The following ASIC2 variants were observed in gnomAD, a reference collection of about 807,000 sequenced individuals.
The protein encoded by ASIC2 is acid sensing ion channel subunit 2, also known as acid-sensing ion channel 2.
Under a neutral mutation model 57.3 loss-of-function variants are expected in ASIC2, and 25 were observed. The ratio of observed to expected loss-of-function variants is 0.44; its 90% CI spans 0.32 to 0.61. ASIC2 has a LOEUF of 0.61. ASIC2 is among the 20% of genes least tolerant of loss of function. ASIC2 has a pLI of 0.06. For missense variants in ASIC2, 641 were observed against 738.1 expected (o/e 0.87, Z 1.52); for synonymous variants, 319 against 307.5 (o/e 1.04, Z -0.39).
chr17:33,534,914 T>A (rs1915176273), intron 1 of ASIC2, among the ~76,000 whole-genome samples: 1 of 152,258 alleles, frequency 6.6e-6, no homozygotes, highest in Non-Finnish European at 1.5e-5. Context: ...GGATCACAAA[T>A]AATACTCCTG....
At chr17:33,920,827 T>A (rs1338663982) in intron 1 of ASIC2, among the ~76,000 whole-genome samples, 2 of 152,146 alleles carry the variant, frequency 1.3e-5, no homozygotes, top group Non-Finnish European at 2.9e-5. Flanking sequence ...GTCCAGGGCC[T>A]CCAGGAGCCC....
At chr17:33,224,538 G>A (rs1907805369) in intron 1 of ASIC2, among the ~76,000 whole-genome samples, 1 of 152,194 alleles carries the variant, frequency 6.6e-6, no homozygotes, top group South Asian at 2.1e-4. Context: ...CTAACTAGAA[G>A]GAAGAGCTGG....
intron 1 of ASIC2, among the ~76,000 whole-genome samples, chr17:34,127,669 C>T (rs1567831627): frequency 6.6e-6 from 1 of 152,204 alleles, no homozygotes; most frequent in African/African-American, 2.4e-5. Context: ...GGCTTCAGCT[C>T]CCCTGCTCTT....
chr17:33,702,985 T>G (rs1908749183), intron 1 of ASIC2, among the ~76,000 whole-genome samples: 1 of 152,166 alleles, frequency 6.6e-6, no homozygotes, highest in African/African-American at 2.4e-5. Flanking sequence ...TTACGGATTG[T>G]GCCCAGGGTA....
intron 3 of ASIC2, among the ~76,000 whole-genome samples, chr17:33,036,365 T>A (rs536044348): frequency 6.6e-6 from 1 of 152,216 alleles, no homozygotes; most frequent in East Asian, 1.9e-4. Context: ...CAATGCCCCA[T>A]AGGTCAAGGA....
intron 1 of ASIC2, chr17:34,005,686 G>T (rs896996724): frequency 1.3e-5 from 2 of 152,280 alleles, no homozygotes; most frequent in Non-Finnish European, 2.9e-5. Flanking sequence ...TCTCTACTTA[G>T]TCTTCAACAT....
At position 33,291,956 on chromosome 17, in the gene ASIC2, C is replaced by G; in HGVS notation, c.160G>C (p.Ala54Pro). The G allele has an allele frequency of 6.7e-7, 1 of 1,493,942 alleles. No individual in the cohort carries two copies. The highest frequency in any genetic ancestry group is 8.9e-7 in the Non-Finnish European group (1 of 1,129,856). The allele number at this position is 1,493,942 out of a possible 1,614,324, so 92.5% of individuals were successfully genotyped here. The stretch of plus-strand genomic sequence containing the variant: ...CTCAGCGATGGCCGCCCCCTGCGGG[C>G]GACCCCTGGCCCCTGCAGCGCCCGC... ...GERALQGPGV[A>P]RRGRPSLSRA... Residue 54 changes from alanine (A) to proline (P), a missense_variant, in exon 1 of 10, where the codon GCC becomes CCC. By Grantham distance (27) the Ala-to-Pro change is conservative. Around this residue, in one of 3 missense-constraint regions of ASIC2, gnomAD observed 382 missense variants for 398.0 expected, o/e 0.96. Coordinates refer to ENST00000225823, the MANE Select transcript of ASIC2 (RefSeq NM_183377.2).
At chr17:33,573,515 A>T (rs1019509872) in intron 1 of ASIC2, among the ~76,000 whole-genome samples, 1 of 152,162 alleles carries the variant, frequency 6.6e-6, no homozygotes, top group Admixed American at 6.5e-5. Flanking sequence ...GGGAAAGCAA[A>T]CATCAGCTTG....
chr17:34,108,631 G>A (rs968506427), intron 1 of ASIC2, among the ~76,000 whole-genome samples: 4 of 152,090 alleles, frequency 2.6e-5, no homozygotes, highest in African/African-American at 9.7e-5. Flanking sequence ...TTCTATAAGT[G>A]CCAATTAGGT....
intron 1 of ASIC2, among the ~76,000 whole-genome samples, chr17:33,871,143 G>A (rs1914394189): frequency 6.6e-6 from 1 of 152,138 alleles, no homozygotes; most frequent in South Asian, 2.1e-4. Context: ...CCAGCTATAG[G>A]CTCTCCCGGA....
chr17:33,366,332 T>C (rs1353030446), intron 1 of ASIC2, among the ~76,000 whole-genome samples: 1 of 152,244 alleles, frequency 6.6e-6, no homozygotes, highest in Non-Finnish European at 1.5e-5. Flanking sequence ...ACTGTCTTTC[T>C]CTCCGGTCTC....
intron 1 of ASIC2, among the ~76,000 whole-genome samples, chr17:33,268,939 T>C (rs113949945): frequency 3.0e-4 from 46 of 152,308 alleles, no homozygotes; most frequent in African/African-American, 1.0e-3. Flanking sequence ...TGTGTGACCT[T>C]GGGCAAGTCA....
chr17:34,008,943 C>T (rs1472370680), intron 1 of ASIC2, among the ~76,000 whole-genome samples: 1 of 152,190 alleles, frequency 6.6e-6, no homozygotes, highest in East Asian at 1.9e-4. Context: ...AGACATTTGC[C>T]TGGGGCTTCA....
At position 33,292,428 on chromosome 17, in the gene ASIC2, T is replaced by C. The variant is rs1782478446; in HGVS notation, c.-313A>G. The C allele has an allele frequency of 1.0e-6, 1 of 985,476 alleles. No individual in the cohort carries two copies. The highest frequency in any genetic ancestry group is 1.1e-4 in the East Asian group (1 of 8,770). The allele number at this position is 985,476 out of a possible 1,614,324, so 61.0% of individuals were successfully genotyped here. A position where few individuals can be genotyped will look rare whatever the true frequency, so the allele number is the denominator to read the frequency against. On this transcript the variant is annotated 5_prime_UTR_variant, in exon 1 of 10. Coordinates refer to ENST00000225823, the MANE Select transcript of ASIC2 (RefSeq NM_183377.2). ...GATGCCCGGCGCCCGGCACTACTTC[T>C]GGAGGGGTCCCACTGGGAGCCGCCT... is the stretch of plus-strand genomic sequence containing the variant.
In ASIC2 at chr17:34,109,666, A is replaced by G. The variant is rs570957024; in HGVS notation, c.555+46312T>C. Among the ~76,000 whole-genome samples, 17 of 152,300 alleles carry G rather than the reference A, an allele frequency of 1.1e-4. No homozygotes were observed. The East Asian group carries it at 3.3e-3, about 29-fold the overall frequency. On this transcript the variant is annotated intron_variant, in intron 1 of 9. Transcript: ENST00000359872. ...ACATGTGCTATCTGACAGCTTTTAAACGGAGTCTCACTGTTATATAAACCT... is the reference window on the plus strand; with the variant it reads ...ACATGTGCTATCTGACAGCTTTTAAGCGGAGTCTCACTGTTATATAAACCT...
chr17:33,563,741 C>T (rs115608424), intron 1 of ASIC2, among the ~76,000 whole-genome samples: 152 of 152,278 alleles, frequency 1.0e-3, no homozygotes, highest in African/African-American at 3.5e-3. Context: ...AGTAGAACCC[C>T]ATAGCTTTTA....
At chr17:33,858,244 C>G (rs1371302469) in intron 1 of ASIC2, among the ~76,000 whole-genome samples, 2 of 152,188 alleles carry the variant, frequency 1.3e-5, no homozygotes, top group Non-Finnish European at 2.9e-5. Flanking sequence ...ATTTATGCAG[C>G]CAACCTGTGA....
intron 1 of ASIC2, among the ~76,000 whole-genome samples, chr17:33,489,362 G>A (rs1051948232): frequency 1.3e-5 from 2 of 152,218 alleles, no homozygotes; most frequent in African/African-American, 4.8e-5. Flanking sequence ...AGAAGTGAAG[G>A]GGTATGTCCA....
At chr17:33,924,104 G>A (rs1658297940) in intron 1 of ASIC2, among the ~76,000 whole-genome samples, 1 of 152,198 alleles carries the variant, frequency 6.6e-6, no homozygotes, top group Non-Finnish European at 1.5e-5. Context: ...GGTTTATGGG[G>A]CAGGTCAGAG....
Sources: allele counts gnomAD v4.1 joint callset (sites outside exome capture counted in the v4.1 genomes callset), GRCh38; gene constraint gnomAD v4.1.1; regional missense constraint gnomAD v4.1.1; transcripts MANE v1.5; gene names NCBI Gene and HGNC (gene_info 2026-07-23, HGNC 2026-07-21).